Variants in PLAC1 observed in about 807,000 individuals in gnomAD.
The protein encoded by PLAC1 is placenta associated 1.
For synonymous variants in PLAC1, 68 were observed against 62.1 expected (o/e 1.09, Z -0.44); for missense variants, 136 against 163.2 (o/e 0.83, Z 0.91).
intron 2 of PLAC1, among the ~76,000 whole-genome samples, chrX:134,665,469 G>A (rs931476722): frequency 1.8e-5 from 2 of 111,851 alleles, no homozygotes; most frequent in Non-Finnish European, 3.8e-5. Flanking sequence ...ACTATTTCTA[G>A]GTTTGGATTA....
At chrX:134,608,515 G>A (rs1488351060) in intron 1 of PLAC1, among the ~76,000 whole-genome samples, 2 of 111,466 alleles carry the variant, frequency 1.8e-5, no homozygotes, top group Admixed American at 1.9e-4. Context: ...TGGTTATGTA[G>A]GGCAAGGAGG....
intron 2 of PLAC1, among the ~76,000 whole-genome samples, chrX:134,676,110 A>G (rs897977387): frequency 1.8e-5 from 2 of 112,256 alleles, no homozygotes; most frequent in African/African-American, 6.5e-5. Flanking sequence ...CAGTCATTCT[A>G]CTAAGGAAAC....
chrX:134,569,617 G>T (rs1269143268), intron 2 of PLAC1, among the ~76,000 whole-genome samples: 1 of 110,984 alleles, frequency 9.0e-6, no homozygotes, highest in Non-Finnish European at 1.9e-5. Flanking sequence ...TTTCTAATGA[G>T]CTTGCGAATG....
Position 134,688,395 on chromosome X carries a change from T to G in PLAC1, n.174+45040A>C, listed in dbSNP as rs139078229. ...TCCTGATATGAATCATTCAGGCAGC[T>G]GCCATCCTGCATTAATTGCAGAAGA... On this transcript the variant is annotated intron_variant and non_coding_transcript_variant, in intron 2 of 2. Coordinates refer to the PLAC1 transcript ENST00000466797. Among the ~76,000 whole-genome samples, 464 of 112,540 alleles carry G rather than the reference T, an allele frequency of 4.1e-3. 1 individual carries two copies. Among genetic ancestry groups the G allele is most frequent in the African/African-American group, 0.014 (449 of 30,999 alleles).
chrX:134,723,172 C>A (rs2078663490), intron 2 of PLAC1, among the ~76,000 whole-genome samples: 2 of 111,025 alleles, frequency 1.8e-5, no homozygotes, highest in African/African-American at 6.5e-5. Flanking sequence ...GTATAATAAT[C>A]ATAATAATTC....
chrX:134,656,092 C>T (rs930804473), intron 1 of PLAC1, among the ~76,000 whole-genome samples: 3 of 112,156 alleles, frequency 2.7e-5, no homozygotes, highest in Non-Finnish European at 5.6e-5. Context: ...CCAGAATCGT[C>T]CCCTGAACAC....
intron 2 of PLAC1, among the ~76,000 whole-genome samples, chrX:134,575,914 A>G (rs1432043498): frequency 1.8e-5 from 2 of 109,411 alleles, no homozygotes; most frequent in African/African-American, 6.6e-5. Flanking sequence ...TACACCATAT[A>G]TAATGTTAAA....
chrX:134,691,016 A>G (rs1438286267), intron 2 of PLAC1, among the ~76,000 whole-genome samples: 2 of 56,828 alleles, frequency 3.5e-5, no homozygotes, highest in African/African-American at 6.1e-5. Flanking sequence ...ATATATATAT[A>G]TATATGTATA....
At chrX:134,734,637 C>T (rs2078698095) in intron 1 of PLAC1, among the ~76,000 whole-genome samples, 2 of 112,153 alleles carry the variant, frequency 1.8e-5, no homozygotes, top group Admixed American at 9.4e-5. Context: ...CTGAACCTCC[C>T]TCCCTCAGCA....
intron 1 of PLAC1, among the ~76,000 whole-genome samples, chrX:134,611,373 C>T (rs1293033021): frequency 2.8e-5 from 3 of 108,932 alleles, no homozygotes; most frequent in African/African-American, 1.0e-4. Flanking sequence ...GAAGGTAGGC[C>T]TATTTTTAAA....
At chrX:134,588,425 C>G (rs762886068) in intron 2 of PLAC1, among the ~76,000 whole-genome samples, 2 of 109,046 alleles carry the variant, frequency 1.8e-5, no homozygotes, top group South Asian at 8.1e-4. Flanking sequence ...CCCGTAGAAC[C>G]CTCTTTTCTG....
At chrX:134,589,264 T>C (rs1236954378) in intron 2 of PLAC1, among the ~76,000 whole-genome samples, 1 of 111,308 alleles carries the variant, frequency 9.0e-6, no homozygotes, top group Non-Finnish European at 1.9e-5. Context: ...GTATGGGGGA[T>C]GGAAATCGTA....
intron 2 of PLAC1, among the ~76,000 whole-genome samples, chrX:134,595,226 C>T (rs1236342901): frequency 1.8e-5 from 2 of 110,817 alleles, no homozygotes; most frequent in African/African-American, 3.3e-5. Flanking sequence ...AGAGAACACA[C>T]TATGTACAAT....
intron 1 of PLAC1, among the ~76,000 whole-genome samples, chrX:134,643,574 G>C (rs2078317108): frequency 9.0e-6 from 1 of 111,207 alleles, no homozygotes; most frequent in African/African-American, 3.3e-5. Context: ...ATTCAAGGCT[G>C]GTTCACCATT....
chrX:134,566,180 A>G lies in PLAC1; in HGVS notation c.503T>C (p.Phe168Ser), dbSNP rs764701207. Residue 168 changes from phenylalanine (F) to serine (S), a missense_variant, in exon 3 of 3, where the codon TTC (phenylalanine) becomes TCC (serine). Transcript: ENST00000359237. ...RPNCDCPPCV[F>S]SEEEHTQVPC... ...GACCTGGGTATGCTCTTCTTCACTG[A>G]AGACACAAGGTGGACAATCGCAGTT... The G allele has an allele frequency of 4.9e-5, 59 of 1,210,074 alleles. No homozygotes were observed. Among genetic ancestry groups the G allele is most frequent in the Middle Eastern group, 4.6e-4 (2 of 4,374 alleles).
At chrX:134,675,424 G>C (rs763101948) in intron 2 of PLAC1, among the ~76,000 whole-genome samples, 1 of 112,209 alleles carries the variant, frequency 8.9e-6, no homozygotes, top group Non-Finnish European at 1.9e-5. Context: ...CCAGCATTTC[G>C]GGAGGCCGAG....
chrX:134,567,705 C>G (rs777543758), intron 2 of PLAC1, among the ~76,000 whole-genome samples: 11 of 104,429 alleles, frequency 1.1e-4, no homozygotes, highest in Admixed American at 2.1e-4. Context: ...CTATAGTGAG[C>G]CAAGAGTGTG....
intron 2 of PLAC1, among the ~76,000 whole-genome samples, chrX:134,704,797 C>T (rs1424107008): frequency 5.8e-5 from 6 of 103,205 alleles, no homozygotes; most frequent in Non-Finnish European, 9.8e-5. Context: ...TAGAGACCAG[C>T]CTGACCAACA....
Position 134,761,620 on chromosome X carries a change from G to A in PLAC1, n.89+2614C>T, listed in dbSNP as rs779835252. ...GTAACACTGGTTGCTTCTGAGAAAG[G>A]ATCTGATGGGACTGGAGGTCAAGGG... On this transcript the variant is annotated intron_variant and non_coding_transcript_variant, in intron 1 of 2. Coordinates refer to the PLAC1 transcript ENST00000466797. 2.1e-4 allele frequency among the ~76,000 whole-genome samples: 23 copies of A among 112,013 alleles called. 1 individual carries two copies. In the Admixed American group the frequency reaches 2.2e-3, roughly 11 times the overall value.
Sources: gnomAD v4.1 joint callset for allele counts (sites outside exome capture counted in the v4.1 genomes callset) on GRCh38, gnomAD v4.1.1 for gene constraint, MANE v1.5 for transcripts, NCBI Gene and HGNC (gene_info 2026-07-23, HGNC 2026-07-21) for gene names.